Variants in IL21R observed in about 807,000 individuals in gnomAD.
IL21R encodes the protein interleukin 21 receptor.
IL21R carries 14 observed loss-of-function variants against 41.3 expected under a neutral mutation model. The observed-to-expected ratio is 0.34, with a 90% confidence interval of 0.22 to 0.53. The LOEUF is 0.53. Ranked by LOEUF, IL21R falls within the 20% of genes least tolerant of loss-of-function variation. IL21R has a pLI of 0.94. For missense variants in IL21R, 588 were observed against 681.6 expected (o/e 0.86, Z 1.53); for synonymous variants, 286 against 287.6 (o/e 0.99, Z 0.05).
intron 6 of IL21R, 60 bp downstream of exon 6, chr16:27,444,779 C>G: frequency 1.4e-6 from 2 of 1,412,968 alleles, no homozygotes; most frequent in Non-Finnish European, 1.9e-6. Context: ...CCTGTTCTAG[C>G]CACCCTAAGC....
At chr16:27,418,863 T>C (rs1331280202) in intron 1 of IL21R, among the ~76,000 whole-genome samples, 3 of 149,664 alleles carry the variant, frequency 2.0e-5, no homozygotes, top group Non-Finnish European at 4.4e-5. Flanking sequence ...TTTTTATATA[T>C]TATATTTTAA....
At chr16:27,443,615 T>C (rs1033480316) in intron 5 of IL21R, among the ~76,000 whole-genome samples, 24 of 152,198 alleles carry the variant, frequency 1.6e-4, no homozygotes, top group African/African-American at 5.8e-4. Context: ...AAACTCTGTT[T>C]CTACTAAAAA....
At chr16:27,439,155 C>T (rs887079922) in intron 4 of IL21R, among the ~76,000 whole-genome samples, 21 of 152,060 alleles carry the variant, frequency 1.4e-4, no homozygotes, top group Admixed American at 1.3e-3. Flanking sequence ...CACCACAGAG[C>T]GTGAGAGTGA....
At chr16:27,443,737 C>T (rs575480531) in intron 5 of IL21R, among the ~76,000 whole-genome samples, 1 of 66,166 alleles carries the variant, frequency 1.5e-5, no homozygotes, top group Non-Finnish European at 3.1e-5. Flanking sequence ...GAGCTGGGAT[C>T]GCGCTACTGC....
chr16:27,419,294 T>C (rs1368623136), intron 1 of IL21R, among the ~76,000 whole-genome samples: 1 of 152,206 alleles, frequency 6.6e-6, no homozygotes, highest in Admixed American at 6.5e-5. Context: ...AATATGACTG[T>C]CTTCCACCTC....
chr16:27,434,926 T>C (rs555287339), intron 3 of IL21R, among the ~76,000 whole-genome samples: 16 of 152,288 alleles, frequency 1.1e-4, no homozygotes, highest in Middle Eastern at 3.4e-3. Flanking sequence ...CAGCTCAGGA[T>C]AAAGAAGAGC....
chr16:27,439,484 TCA>T (rs1273234266), intron 4 of IL21R, among the ~76,000 whole-genome samples: 24 of 151,174 alleles, frequency 1.6e-4, no homozygotes, highest in African/African-American at 4.6e-4. Flanking sequence ...ACGTGTAGAC[TCA>T]CACATGCACA....
At chr16:27,408,956 T>C (rs996739983) in intron 1 of IL21R, among the ~76,000 whole-genome samples, 2 of 152,090 alleles carry the variant, frequency 1.3e-5, no homozygotes, top group African/African-American at 4.8e-5. Flanking sequence ...GCTATGAACA[T>C]GCTGGTACAT....
Position 27,438,699 on chromosome 16 carries a change from C to T in IL21R, c.352+1012C>T, listed in dbSNP as rs572089555. 1.5e-4 allele frequency among the ~76,000 whole-genome samples: 23 copies of T among 152,172 alleles called. 1 individual carries two copies. The South Asian group carries it at 4.1e-3, about 27-fold the overall frequency. On this transcript the variant is annotated intron_variant, in intron 4 of 8. Coordinates refer to ENST00000337929, the MANE Select transcript of IL21R (RefSeq NM_181078.3). ...CCTGGGCAACATGGTGAAACCCCAT[C>T]TCTACTAAAAATACAAAAAAATTTG...
Position 27,425,203 on chromosome 16 carries a change from A to G in IL21R, c.-16-4853A>G, listed in dbSNP as rs182083662. On this transcript the variant is annotated intron_variant, in intron 1 of 8. Coordinates refer to ENST00000337929, the MANE Select transcript of IL21R (RefSeq NM_181078.3). ...AAGACACCTTCTGTCCTTGTAGGAAACACACATGGTGGCCCGATCTGTATC... is the reference window on the plus strand; with the variant it reads ...AAGACACCTTCTGTCCTTGTAGGAAGCACACATGGTGGCCCGATCTGTATC... 1.9e-4 allele frequency among the ~76,000 whole-genome samples: 29 copies of G among 152,270 alleles called. No homozygotes were observed. In the East Asian group the frequency reaches 3.9e-3, roughly 20 times the overall value.
chr16:27,437,739 G>A (rs140085857), intron 4 of IL21R, 52 bp downstream of exon 4: 45 of 1,477,850 alleles, frequency 3.0e-5, no homozygotes, highest in East Asian at 9.3e-5. Flanking sequence ...TTAGCTCACC[G>A]CAGCCCTGAC....
At chr16:27,414,188 G>GTGTGTGTGTGTGTGTGTGTA (rs2086862526) in intron 1 of IL21R, among the ~76,000 whole-genome samples, 1 of 151,694 alleles carries the variant, frequency 6.6e-6, no homozygotes, top group South Asian at 2.1e-4. Context: ...GTGTGTGTGT[G>GTGTGTGTGTGTGTGTGTGTA]TGATCGTAAT....
At chr16:27,442,912 C>A in intron 4 of IL21R, 50 bp from the exon 5 acceptor site, 2 of 1,528,674 alleles carry the variant, frequency 1.3e-6, no homozygotes, top group South Asian at 1.3e-5. Flanking sequence ...ATCCTTTTCA[C>A]CTGCAGCAAA....
chr16:27,426,556 C>T lies in IL21R; in HGVS notation c.-16-3500C>T, dbSNP rs144642972. On this transcript the variant is annotated intron_variant, in intron 1 of 8. Transcript: ENST00000337929. ...CTCCAGCAGAGGCAAAGATGCATGA[C>T]GAAGCCTGGGCTGCCGGGGAGACGA... is the stretch of plus-strand genomic sequence containing the variant. 3.2e-3 allele frequency among the ~76,000 whole-genome samples: 485 copies of T among 152,314 alleles called. 1 individual carries two copies. Among genetic ancestry groups the T allele is most frequent in the Admixed American group, 5.0e-3 (77 of 15,304 alleles).
chr16:27,437,400 G>A (rs2087289537), intron 3 of IL21R, 88 bp from the exon 4 acceptor site: 1 of 1,082,614 alleles, frequency 9.2e-7, no homozygotes, highest in Non-Finnish European at 1.4e-6. Flanking sequence ...TGAGAGTCTG[G>A]GCTTCTGCCC....
chr16:27,435,188 G>A (rs1488869607), intron 3 of IL21R, among the ~76,000 whole-genome samples: 1 of 152,078 alleles, frequency 6.6e-6, no homozygotes, highest in Non-Finnish European at 1.5e-5. Context: ...TCAGGAGGTC[G>A]AGGCTGCAGT....
chr16:27,430,399 G>T (rs568604756), intron 2 of IL21R, among the ~76,000 whole-genome samples: 2 of 152,220 alleles, frequency 1.3e-5, no homozygotes, highest in African/African-American at 4.8e-5. Flanking sequence ...GGGATGAAAG[G>T]CTTCGTCCTT....
At chr16:27,416,950 A>G (rs1224487101) in intron 1 of IL21R, among the ~76,000 whole-genome samples, 1 of 152,162 alleles carries the variant, frequency 6.6e-6, no homozygotes, top group Admixed American at 6.5e-5. Flanking sequence ...ACGTATCAGT[A>G]GTTCATTCCC....
intron 2 of IL21R, among the ~76,000 whole-genome samples, chr16:27,431,123 G>A (rs897985579): frequency 6.6e-6 from 1 of 152,202 alleles, no homozygotes; most frequent in Non-Finnish European, 1.5e-5. Context: ...AGGGGCAGGG[G>A]AGGAACTCAA....
Sources: gnomAD v4.1 joint callset for allele counts (sites outside exome capture counted in the v4.1 genomes callset) on GRCh38, gnomAD v4.1.1 for gene constraint, MANE v1.5 for transcripts, NCBI Gene and HGNC (gene_info 2026-07-23, HGNC 2026-07-21) for gene names.